The following USH2A variants were observed in gnomAD, a reference collection of about 807,000 sequenced individuals.
USH2A encodes usherin.
A neutral mutation model predicts 538.9 loss-of-function variants in USH2A; 443 were observed. The ratio of observed to expected loss-of-function variants is 0.82; its 90% CI spans 0.76 to 0.89. The LOEUF (loss-of-function observed/expected upper bound fraction) is 0.89, where lower values mean the gene tolerates loss of function less well. USH2A is among the 40% of genes least tolerant of loss of function. The probability of loss-of-function intolerance (pLI) is 0.00; values close to 1 mark genes in which losing one functional copy is unlikely to be tolerated. For missense variants in USH2A, 6,633 were observed against 6,324.8 expected, an observed-to-expected ratio of 1.05 and a Z score of -1.65; for synonymous variants, 2,413 against 2,273.5, an observed-to-expected ratio of 1.06 and a Z score of -1.75.
At chr1:215,914,815 G>A (rs564441373) in intron 38 of USH2A, among the ~76,000 whole-genome samples, 1 of 152,282 alleles carries the variant, frequency 6.6e-6, no homozygotes, top group East Asian at 1.9e-4. Context: ...TGGCTAGAAA[G>A]AGCTCAGCAA....
Position 215,660,605 on chromosome 1 carries a change from C to G in USH2A, c.14134-9804G>C, listed in dbSNP as rs534062055. On this transcript the variant is annotated intron_variant, in intron 64 of 71. Coordinates refer to ENST00000307340, the MANE Select transcript of USH2A (RefSeq NM_206933.4). ...AGCCTGGCTTTTCAAAAATATTGCT[C>G]TACAATGAAATTTGTTAATTGGATG... 3.9e-5 allele frequency among the ~76,000 whole-genome samples: 6 copies of G among 152,184 alleles called. No individual in the cohort carries two copies. In the South Asian group the frequency reaches 6.2e-4, roughly 16 times the overall value.
chr1:215,844,355 A>T lies in USH2A; in HGVS notation c.9197T>A (p.Met3066Lys). 1 of 1,613,850 alleles carries T rather than the reference A, an allele frequency of 6.2e-7. No individual in the cohort carries two copies. Among genetic ancestry groups the T allele is most frequent in the Middle Eastern group, 1.7e-4 (1 of 6,056 alleles). Residue 3066 changes from methionine (M) to lysine (K), a missense_variant, in exon 46 of 72, where the codon ATG becomes AAG. Physicochemically the swap from Met to Lys is moderately conservative, Grantham distance 95. Coordinates refer to ENST00000307340, the MANE Select transcript of USH2A (RefSeq NM_206933.4). ...YVNNKLYKTGMNVPGSFILRD... is the reference protein window; with the variant it reads ...YVNNKLYKTGKNVPGSFILRD... ...CAGAATAAACGACCCAGGCACATTC[A>T]TTCCAGTCTTGTAGAGCTTATTATT...
At chr1:216,331,848 G>T (rs1204194725) in intron 4 of USH2A, among the ~76,000 whole-genome samples, 1 of 152,092 alleles carries the variant, frequency 6.6e-6, no homozygotes, top group Non-Finnish European at 1.5e-5. Flanking sequence ...AAGGACATCA[G>T]CAATGGCAGA....
chr1:215,736,571 G>T (rs1660160499), intron 60 of USH2A, among the ~76,000 whole-genome samples: 1 of 151,942 alleles, frequency 6.6e-6, no homozygotes, highest in South Asian at 2.1e-4. Flanking sequence ...CCATAAAAGT[G>T]CTGGAAGAAA....
chr1:216,214,876 A>T (rs2035313665), intron 15 of USH2A, among the ~76,000 whole-genome samples: 1 of 152,002 alleles, frequency 6.6e-6, no homozygotes, highest in Non-Finnish European at 1.5e-5. Context: ...GTATGTGTAT[A>T]ATTTTAGTTA....
intron 38 of USH2A, among the ~76,000 whole-genome samples, chr1:215,928,701 C>A (rs1009946275): frequency 2.6e-5 from 4 of 152,060 alleles, no homozygotes; most frequent in African/African-American, 9.7e-5. Flanking sequence ...TCTGAAGAAG[C>A]CCAGTCCAGC....
At chr1:216,011,462 C>T (rs1335792161) in intron 32 of USH2A, among the ~76,000 whole-genome samples, 1 of 152,148 alleles carries the variant, frequency 6.6e-6, no homozygotes, top group Non-Finnish European at 1.5e-5. Context: ...TGTGCTCTCC[C>T]TGCTGATCGT....
Position 215,879,296 on chromosome 1 carries a change from G to C in USH2A, c.8224-198C>G, listed in dbSNP as rs189464160. ...TACTCCAGGAGCTAAATGAAATGCT[G>C]TTTCCTGGGTTTGGCTTTCAGTCTT... is the stretch of plus-strand genomic sequence containing the variant. On this transcript the variant is annotated intron_variant, in intron 41 of 71. Transcript: ENST00000307340. 4.0e-3 allele frequency among the ~76,000 whole-genome samples: 615 copies of C among 152,294 alleles called. 10 individuals carry two copies. Among genetic ancestry groups the C allele is most frequent in the Non-Finnish European group, 5.4e-3 (366 of 68,026 alleles).
intron 21 of USH2A, among the ~76,000 whole-genome samples, chr1:216,101,561 C>A (rs73096619): frequency 0.047 from 7,213 of 152,138 alleles, 228 homozygotes; most frequent in South Asian, 0.17. Context: ...ATCCTGGGCC[C>A]AGGAATAAGA....
At chr1:215,789,366 C>A (rs1342933651) in intron 51 of USH2A, among the ~76,000 whole-genome samples, 1 of 152,078 alleles carries the variant, frequency 6.6e-6, no homozygotes, top group Non-Finnish European at 1.5e-5. Context: ...ACCAAGACAC[C>A]CATTTTTAGT....
At chr1:216,076,695 C>T (rs79107406) in intron 27 of USH2A, among the ~76,000 whole-genome samples, 3,577 of 152,050 alleles carry the variant, frequency 0.024, 148 homozygotes, top group African/African-American at 0.08. Flanking sequence ...TGTCTTACAC[C>T]CCAGTTATTC....
chr1:216,312,459 T>C (rs1308527542), intron 9 of USH2A, among the ~76,000 whole-genome samples: 4 of 152,174 alleles, frequency 2.6e-5, no homozygotes, highest in African/African-American at 9.6e-5. Flanking sequence ...TCACAGTTCT[T>C]AGATATTCTG....
rs139144981 is a variant in USH2A, at chr1:216,026,599, T to C, written c.6325+19832A>G. Among the ~76,000 whole-genome samples, 1,397 of 152,264 alleles carry C rather than the reference T, an allele frequency of 9.2e-3. 12 individuals are homozygous for C. Among genetic ancestry groups the C allele is most frequent in the Non-Finnish European group, 0.013 (852 of 68,002 alleles). On this transcript the variant is annotated intron_variant, in intron 32 of 71. Transcript: ENST00000307340. ...TCCACATAATGACATCTAGTTTTCA[T>C]GAAAAAATTAATTCTCCCCTTCATT...
At chr1:215,984,549 C>CTT (rs1384948418) in intron 35 of USH2A, among the ~76,000 whole-genome samples, 1 of 152,122 alleles carries the variant, frequency 6.6e-6, no homozygotes, top group East Asian at 1.9e-4. Flanking sequence ...AGCATATCCA[C>CTT]TGGGATATAT....
intron 20 of USH2A, among the ~76,000 whole-genome samples, chr1:216,182,550 G>C (rs1425897560): frequency 6.6e-6 from 1 of 151,974 alleles, no homozygotes; most frequent in Non-Finnish European, 1.5e-5. Flanking sequence ...TGAGTAAAAA[G>C]CAGTTAATTT....
At chr1:216,087,057 C>G (rs2032158256) in intron 23 of USH2A, 1 of 479,336 alleles carries the variant, frequency 2.1e-6, no homozygotes, top group Middle Eastern at 6.4e-4. Flanking sequence ...CCCATAGGCA[C>G]CCCCTAAGTA....
intron 21 of USH2A, among the ~76,000 whole-genome samples, chr1:216,122,407 G>A (rs1372542640): frequency 1.3e-5 from 2 of 152,164 alleles, no homozygotes; most frequent in Admixed American, 6.5e-5. Flanking sequence ...AAACTTGGAA[G>A]GCCAGACAAG....
intron 4 of USH2A, among the ~76,000 whole-genome samples, chr1:216,355,359 G>GAAAGAAAGAAAGAAAGAA (rs1558051889): frequency 2.5e-4 from 37 of 149,568 alleles, no homozygotes; most frequent in Non-Finnish European, 4.8e-4. Context: ...AAGAAAGAAA[G>GAAAGAAAGAAAGAAAGAA]AAAGAAAGAA....
At chr1:216,271,114 TG>T (rs2036565636) in intron 11 of USH2A, among the ~76,000 whole-genome samples, 1 of 152,138 alleles carries the variant, frequency 6.6e-6, no homozygotes, top group Admixed American at 6.6e-5. Flanking sequence ...GGTACACCTC[TG>T]TGTCACTCCT....
Sources: allele counts gnomAD v4.1 joint callset (sites outside exome capture counted in the v4.1 genomes callset), GRCh38; gene constraint gnomAD v4.1.1; transcripts MANE v1.5; gene names NCBI Gene and HGNC (gene_info 2026-07-23, HGNC 2026-07-21).